Variants in INSL6 observed in about 807,000 individuals in gnomAD.
INSL6 encodes insulin-like peptide INSL6.
A neutral mutation model predicts 9.4 loss-of-function variants in INSL6; 16 were observed. The ratio of observed to expected loss-of-function variants is 1.70; its 90% confidence interval spans 1.15 to 2.59. The LOEUF (loss-of-function observed/expected upper bound fraction) is 2.59. Among genes scored for constraint, INSL6 ranks in the 30% most tolerant of loss-of-function variants. The pLI is 0.00. For missense variants in INSL6, 391 were observed against 257.3 expected (o/e 1.52, Z -3.56); for synonymous variants, 154 against 96.9 (o/e 1.59, Z -3.46).
chr9:5,073,899 G>A, the INSL6 span: 1 of 675,034 alleles, frequency 1.5e-6, no homozygotes, highest in Non-Finnish European at 2.6e-6. Flanking sequence ...TAATTTAACA[G>A]GAGTTAAGTA....
chr9:5,077,526 T>C, the INSL6 span: 3 of 1,481,264 alleles, frequency 2.0e-6, no homozygotes, highest in Non-Finnish European at 2.7e-6. Flanking sequence ...ATTGTATAAA[T>C]ATATTATGGA....
At chr9:5,036,468 T>C in the INSL6 span, among the ~76,000 whole-genome samples, 15 of 152,300 alleles carry the variant, frequency 9.8e-5, no homozygotes, top group East Asian at 2.9e-3. Context: ...GCTACCTGAC[T>C]TCAAACTATA....
chr9:5,072,485 C>T, the INSL6 span: 1 of 1,535,186 alleles, frequency 6.5e-7, no homozygotes, highest in Non-Finnish European at 8.8e-7. Context: ...ACCTTTTTCT[C>T]TTGAAGAATG....
At chr9:5,114,240 C>T in the INSL6 span, 1 of 528,668 alleles carries the variant, frequency 1.9e-6, no homozygotes. Flanking sequence ...CCGCAAGTTG[C>T]CCACAATCAC....
the INSL6 span, among the ~76,000 whole-genome samples, chr9:5,083,360 A>G: frequency 6.6e-6 from 1 of 152,186 alleles, no homozygotes; most frequent in South Asian, 2.1e-4. Flanking sequence ...CATAGTGGTA[A>G]GCTCTTTCTC....
chr9:5,039,141 T>G, the INSL6 span, among the ~76,000 whole-genome samples: 1 of 152,098 alleles, frequency 6.6e-6, no homozygotes, highest in Non-Finnish European at 1.5e-5. Context: ...AACACTATAC[T>G]GTAGATTCAG....
the INSL6 span, among the ~76,000 whole-genome samples, chr9:5,092,263 G>T: frequency 0.24 from 36,626 of 151,936 alleles, 4,865 homozygotes; most frequent in South Asian, 0.3. Flanking sequence ...CTTGGTTGAG[G>T]TTGAATAAGG....
At chr9:5,041,213 C>T in the INSL6 span, 12 of 1,467,186 alleles carry the variant, frequency 8.2e-6, no homozygotes, top group South Asian at 1.2e-5. Context: ...CGAGAACTTC[C>T]TGGTGGGGCG....
At chr9:5,181,279 T>A (rs187815785) in intron 1 of INSL6, among the ~76,000 whole-genome samples, 1 of 152,274 alleles carries the variant, frequency 6.6e-6, no homozygotes, top group South Asian at 2.1e-4. Flanking sequence ...TCCTGCCAGA[T>A]AAATGACATC....
intron 1 of INSL6, among the ~76,000 whole-genome samples, chr9:5,171,647 A>T (rs561787250): frequency 6.6e-6 from 1 of 152,364 alleles, no homozygotes; most frequent in South Asian, 2.1e-4. Flanking sequence ...GCAAAGTCTC[A>T]AGATACAAAA....
At chr9:5,003,495 T>G in the INSL6 span, among the ~76,000 whole-genome samples, 20 of 152,166 alleles carry the variant, frequency 1.3e-4, no homozygotes, top group African/African-American at 4.6e-4. Context: ...ATGATACTAT[T>G]TTTAAATGTT....
chr9:5,121,756 A>C (rs946784613), downstream of INSL6, among the ~76,000 whole-genome samples: 1 of 152,144 alleles, frequency 6.6e-6, no homozygotes, highest in Admixed American at 6.6e-5. Flanking sequence ...ATTTTCAACA[A>C]GGGGAATTAA....
At chr9:5,149,951 C>G (rs1484883140) in intron 2 of INSL6, among the ~76,000 whole-genome samples, 4 of 152,298 alleles carry the variant, frequency 2.6e-5, no homozygotes, top group Admixed American at 1.3e-4. Flanking sequence ...CACATACCTA[C>G]AGCCAACTGA....
At chr9:5,152,687 C>T (rs183734914) in intron 2 of INSL6, among the ~76,000 whole-genome samples, 20 of 152,106 alleles carry the variant, frequency 1.3e-4, no homozygotes, top group Admixed American at 7.8e-4. Context: ...AAACAACAAA[C>T]GAGAAAAAGG....
At chr9:5,111,056 G>A in the INSL6 span, 7 of 1,087,338 alleles carry the variant, frequency 6.4e-6, no homozygotes, top group Non-Finnish European at 6.7e-6. Flanking sequence ...AGAGGTTCAG[G>A]TCTTGAGAAC....
the INSL6 span, chr9:5,094,516 A>AT: frequency 6.6e-6 from 1 of 152,146 alleles, no homozygotes; most frequent in African/African-American, 2.4e-5. Context: ...CACCCTAGCC[A>AT]TTATCCTGCT....
Position 5,164,036 on chromosome 9 carries a change from T to A in INSL6, c.519A>T (p.Gly173=), listed in dbSNP as rs1261289548. Reference sequence around the variant, plus strand: ...CTGTAAGACAACACTTTTCTGAATATCCTCTGCGTTTTCTTTGGGGATGAT... The same window carrying A: ...CTGTAAGACAACACTTTTCTGAATAACCTCTGCGTTTTCTTTGGGGATGAT... ...WGHHPQRKRR[G]YSEKCCLTGC... is the part of the protein sequence containing the mutation. Residue 173 remains glycine, a synonymous_variant, in exon 2 of 2, where the codon GGA becomes GGT. Coordinates refer to ENST00000381641, the MANE Select transcript of INSL6 (RefSeq NM_007179.3). 1.2e-6 allele frequency: 2 copies of A among 1,613,718 alleles called. No homozygotes were observed. Among genetic ancestry groups the A allele is most frequent in the East Asian group, 2.2e-5 (1 of 44,802 alleles).
At chr9:5,173,637 C>G (rs1455444664) in intron 1 of INSL6, among the ~76,000 whole-genome samples, 1 of 152,030 alleles carries the variant, frequency 6.6e-6, no homozygotes, top group African/African-American at 2.4e-5. Flanking sequence ...GGGCCAGCAT[C>G]AGGAAAAATA....
chr9:5,166,029 C>T (rs1017111111), intron 1 of INSL6, among the ~76,000 whole-genome samples: 4 of 152,092 alleles, frequency 2.6e-5, no homozygotes, highest in East Asian at 1.9e-4. Context: ...AAACATGAAT[C>T]GACCCAATCA....
Sources: gnomAD v4.1 joint callset for allele counts (sites outside exome capture counted in the v4.1 genomes callset) on GRCh38, gnomAD v4.1.1 for gene constraint, MANE v1.5 for transcripts, NCBI Gene and HGNC (gene_info 2026-07-23, HGNC 2026-07-21) for gene names.